Variants in CADPS observed in about 807,000 individuals in gnomAD.
The protein encoded by CADPS is calcium dependent secretion activator, also known as calcium-dependent secretion activator 1.
Under a neutral mutation model 167.3 loss-of-function variants are expected in CADPS, and 57 were observed. The ratio of observed to expected loss-of-function variants is 0.34; its 90% CI spans 0.28 to 0.42. The LOEUF (loss-of-function observed/expected upper bound fraction) is 0.42, where lower values mean the gene tolerates loss of function less well. Among genes scored for constraint, CADPS ranks in the 20% least tolerant of loss-of-function variants. CADPS has a pLI of 1.00. For synonymous variants in CADPS, 676 were observed against 635.3 expected (o/e 1.06, Z -0.96); for missense variants, 1,414 against 1,738.1 (o/e 0.81, Z 3.32).
intron 4 of CADPS, among the ~76,000 whole-genome samples, chr3:62,660,921 G>A (rs2073052821): frequency 6.6e-6 from 1 of 152,178 alleles, no homozygotes; most frequent in African/African-American, 2.4e-5. Flanking sequence ...CCTGAGCTGA[G>A]GGTGTGCCAC....
intron 6 of CADPS, among the ~76,000 whole-genome samples, chr3:62,594,404 G>A (rs1435257511): frequency 5.9e-5 from 9 of 151,926 alleles, no homozygotes; most frequent in Non-Finnish European, 8.8e-5. Context: ...CTCGTGATCC[G>A]CCCGCCTCGG....
At chr3:62,559,167 T>A (rs2152349706) in intron 9 of CADPS, among the ~76,000 whole-genome samples, 1 of 152,332 alleles carries the variant, frequency 6.6e-6, no homozygotes. Flanking sequence ...TGACACACTT[T>A]CTAATATAGT....
At chr3:62,657,220 A>C (rs1413748207) in intron 4 of CADPS, among the ~76,000 whole-genome samples, 1 of 152,170 alleles carries the variant, frequency 6.6e-6, no homozygotes, top group Admixed American at 6.5e-5. Context: ...TGATATTTGC[A>C]ATAGGGCCAG....
At chr3:62,586,291 A>G (rs746094281) in intron 7 of CADPS, among the ~76,000 whole-genome samples, 81 of 152,254 alleles carry the variant, frequency 5.3e-4, no homozygotes, top group Non-Finnish European at 1.1e-3. Flanking sequence ...TATTTTCTCT[A>G]GGTGCAAGGA....
At chr3:62,468,632 T>C (rs1223526562) in intron 24 of CADPS, among the ~76,000 whole-genome samples, 1 of 152,212 alleles carries the variant, frequency 6.6e-6, no homozygotes, top group East Asian at 1.9e-4. Flanking sequence ...AATATGATGA[T>C]TTATGGGAAC....
At chr3:62,733,710 T>C (rs1419923748) in intron 3 of CADPS, among the ~76,000 whole-genome samples, 1 of 152,130 alleles carries the variant, frequency 6.6e-6, no homozygotes, top group African/African-American at 2.4e-5. Flanking sequence ...TTAATTTGGG[T>C]AGTTTTTGAG....
At chr3:62,442,301 T>C (rs1399224811) in intron 27 of CADPS, among the ~76,000 whole-genome samples, 1 of 151,600 alleles carries the variant, frequency 6.6e-6, no homozygotes, top group Non-Finnish European at 1.5e-5. Flanking sequence ...AATCTCTGCC[T>C]CCCAGGTTCA....
intron 1 of CADPS, among the ~76,000 whole-genome samples, chr3:62,834,905 T>C (rs944636227): frequency 6.6e-6 from 1 of 152,158 alleles, no homozygotes; most frequent in Non-Finnish European, 1.5e-5. Flanking sequence ...TACACAAATA[T>C]GCACTGGTAA....
At chr3:62,496,985 A>G (rs1340333696) in intron 18 of CADPS, among the ~76,000 whole-genome samples, 1 of 152,234 alleles carries the variant, frequency 6.6e-6, no homozygotes, top group African/African-American at 2.4e-5. Flanking sequence ...AGTTTTCATT[A>G]CTAAGTTTTA....
chr3:62,721,809 T>C (rs893020735), intron 3 of CADPS, among the ~76,000 whole-genome samples: 6 of 144,544 alleles, frequency 4.2e-5, no homozygotes, highest in African/African-American at 1.3e-4. Context: ...TAGGTACTAT[T>C]TTAAATCCGC....
At chr3:62,850,970 C>CT (rs2078440394) in intron 1 of CADPS, among the ~76,000 whole-genome samples, 1 of 149,700 alleles carries the variant, frequency 6.7e-6, no homozygotes, top group Non-Finnish European at 1.5e-5. Flanking sequence ...GTATTGGGTG[C>CT]ATATATATTT....
At chr3:62,439,003 A>G (rs1005591105) in intron 27 of CADPS, 13 of 139,740 alleles carry the variant, frequency 9.3e-5, no homozygotes, top group Admixed American at 3.5e-4. Context: ...GTAGGGAAGT[A>G]AAAAAAAAAA....
At chr3:62,505,323 G>A (rs1256414963) in intron 17 of CADPS, among the ~76,000 whole-genome samples, 6 of 152,190 alleles carry the variant, frequency 3.9e-5, no homozygotes, top group Admixed American at 3.9e-4. Flanking sequence ...AATACAGGCT[G>A]TTGGATGGAT....
intron 13 of CADPS, among the ~76,000 whole-genome samples, chr3:62,529,238 T>C (rs2073075565): frequency 6.6e-6 from 1 of 152,188 alleles, no homozygotes; most frequent in South Asian, 2.1e-4. Context: ...TGATTTCTTC[T>C]TTATTAAAAA....
chr3:62,437,892 C>T (rs565533785), intron 28 of CADPS, among the ~76,000 whole-genome samples: 1 of 152,300 alleles, frequency 6.6e-6, no homozygotes, highest in South Asian at 2.1e-4. Context: ...CTACGTATCA[C>T]ACAGATTGGG....
intron 1 of CADPS, among the ~76,000 whole-genome samples, chr3:62,834,330 A>G (rs2075586864): frequency 6.6e-6 from 1 of 152,166 alleles, no homozygotes; most frequent in African/African-American, 2.4e-5. Flanking sequence ...TACCATCCCT[A>G]GAATGACTGA....
At chr3:62,626,527 A>G (rs1197037158) in intron 6 of CADPS, 1 of 702,834 alleles carries the variant, frequency 1.4e-6, no homozygotes, top group African/African-American at 1.7e-5. Context: ...ACGGGACATC[A>G]AATGGCACTG....
At chr3:62,754,273 A>G (rs986765848) in intron 2 of CADPS, among the ~76,000 whole-genome samples, 13 of 152,138 alleles carry the variant, frequency 8.5e-5, no homozygotes, top group Non-Finnish European at 7.4e-5. Context: ...CCCAGGCTCA[A>G]GCGACCTCCA....
chr3:62,593,583 CA>C (rs1382326612), intron 6 of CADPS, among the ~76,000 whole-genome samples: 2 of 152,204 alleles, frequency 1.3e-5, no homozygotes, highest in Non-Finnish European at 2.9e-5. Context: ...CCATTGCACT[CA>C]GGGGGCAATC....
Sources: allele counts gnomAD v4.1 joint callset (sites outside exome capture counted in the v4.1 genomes callset), GRCh38; gene constraint gnomAD v4.1.1; transcripts MANE v1.5; gene names NCBI Gene and HGNC (gene_info 2026-07-23, HGNC 2026-07-21).